Variants in DNAH11 observed in about 807,000 individuals in gnomAD.
DNAH11 encodes dynein axonemal heavy chain 11.
DNAH11 carries 442 observed loss-of-function variants against 526.0 expected under a neutral mutation model. That is an observed-to-expected ratio of 0.84 (90% CI 0.78 to 0.91). The LOEUF is 0.91. DNAH11 is among the 40% of genes least tolerant of loss of function. DNAH11 has a pLI of 0.00. For synonymous variants in DNAH11, 2,461 were observed against 1,935.9 expected (o/e 1.27, Z -7.12); for missense variants, 6,989 against 5,448.7 (o/e 1.28, Z -8.90).
intron 30 of DNAH11, among the ~76,000 whole-genome samples, chr7:21,667,781 G>T (rs1476268015): frequency 2.0e-5 from 3 of 151,958 alleles, no homozygotes; most frequent in Non-Finnish European, 4.4e-5. Flanking sequence ...GTACGTATGT[G>T]ATTTTTTTTG....
chr7:21,743,610 A>G (rs902797593), intron 49 of DNAH11, among the ~76,000 whole-genome samples: 2 of 152,228 alleles, frequency 1.3e-5, no homozygotes, highest in Non-Finnish European at 2.9e-5. Context: ...ATAACACAGC[A>G]TTAGGCAGTA....
At chr7:21,799,175 G>A (rs1788850594) in intron 61 of DNAH11, among the ~76,000 whole-genome samples, 1 of 152,018 alleles carries the variant, frequency 6.6e-6, no homozygotes, top group African/African-American at 2.4e-5. Context: ...GCATAGAGAA[G>A]GTAAATAAAT....
At chr7:21,637,983 C>T (rs766988640) in intron 27 of DNAH11, among the ~76,000 whole-genome samples, 6 of 151,680 alleles carry the variant, frequency 4.0e-5, no homozygotes, top group Non-Finnish European at 8.8e-5. Flanking sequence ...ATTGATTGAT[C>T]AATTATTTCC....
intron 65 of DNAH11, among the ~76,000 whole-genome samples, chr7:21,828,345 C>G (rs1790395597): frequency 6.6e-6 from 1 of 152,174 alleles, no homozygotes; most frequent in African/African-American, 2.4e-5. Flanking sequence ...CATTCATGCT[C>G]TCCTATAATA....
intron 63 of DNAH11, among the ~76,000 whole-genome samples, chr7:21,812,527 C>T (rs1050284517): frequency 2.4e-5 from 3 of 126,044 alleles, no homozygotes; most frequent in African/African-American, 9.1e-5. Flanking sequence ...TTTTTTTAAA[C>T]CCAGCCAGGT....
In DNAH11 at chr7:21,901,333, C is replaced by T. The variant is rs886062189; in HGVS notation, c.*79C>T. 2.0e-5 allele frequency: 29 copies of T among 1,415,366 alleles called. No individual in the cohort carries two copies. The South Asian group carries it at 4.5e-4, about 22-fold the overall frequency. 87.7% of individuals were successfully genotyped at this position (1,415,366 alleles called of 1,614,324 possible). A position where few individuals can be genotyped will look rare whatever the true frequency, so the allele number is the denominator to read the frequency against. Reference sequence around the variant, plus strand: ...CATGTTGCTGCACTGTTCCCATGCACATTATTCTAACTTTTTAGTAACTCA... The same window carrying T: ...CATGTTGCTGCACTGTTCCCATGCATATTATTCTAACTTTTTAGTAACTCA... On this transcript the variant is annotated 3_prime_UTR_variant, in exon 82 of 82. Coordinates refer to ENST00000409508, the MANE Select transcript of DNAH11 (RefSeq NM_001277115.2).
chr7:21,609,188 T>G (rs1276627906), intron 20 of DNAH11, among the ~76,000 whole-genome samples: 5 of 152,144 alleles, frequency 3.3e-5, no homozygotes, highest in East Asian at 1.9e-4. Context: ...TGGGTATTTC[T>G]TCCTTTCCTT....
In DNAH11 at chr7:21,637,625, G is replaced by C; in HGVS notation, c.4740G>C (p.Lys1580Asn). The C allele has an allele frequency of 6.3e-7, 1 of 1,586,240 alleles. No individual in the cohort carries two copies. Among genetic ancestry groups the C allele is most frequent in the Non-Finnish European group, 8.6e-7 (1 of 1,165,166 alleles). The change falls in exon 27 of 82, where the codon AAG becomes AAC. Residue 1580 changes from lysine (K) to asparagine (N), a missense_variant. By Grantham distance (94) the Lys-to-Asn change is moderately conservative. Transcript: ENST00000409508. ...CTTTCATGCAGGAGTTAATGTTCAA[G>C]ACAGCCAAAGTAGAAAATGTGTTAG... The part of the protein sequence containing the change: ...VDAEFKELMF[K>N]TAKVENVLEA...
chr7:21,715,005 T>G (rs886650503), intron 42 of DNAH11, among the ~76,000 whole-genome samples: 1 of 152,202 alleles, frequency 6.6e-6, no homozygotes, highest in African/African-American at 2.4e-5. Context: ...ATGACCTTAT[T>G]GTCTTCTGTC....
At chr7:21,688,629 T>C (rs570670278) in intron 34 of DNAH11, among the ~76,000 whole-genome samples, 2 of 152,322 alleles carry the variant, frequency 1.3e-5, no homozygotes, top group Non-Finnish European at 1.5e-5. Context: ...ATTTAATATA[T>C]CCAAAATAAA....
chr7:21,701,948 G>A (rs778919624), intron 36 of DNAH11, among the ~76,000 whole-genome samples: 29 of 152,112 alleles, frequency 1.9e-4, no homozygotes, highest in Non-Finnish European at 3.8e-4. Flanking sequence ...GGCCAGTCCC[G>A]TGTAAGCAGT....
At chr7:21,752,421 G>A (rs921259565) in intron 54 of DNAH11, among the ~76,000 whole-genome samples, 1 of 152,178 alleles carries the variant, frequency 6.6e-6, no homozygotes, top group Non-Finnish European at 1.5e-5. Context: ...CTAAGGCTGA[G>A]TCATAAAGGG....
rs886038469 is a variant in DNAH11, at chr7:21,683,834, G to T, written c.5511G>T (p.Trp1837Cys). The change falls in exon 32 of 82, where the codon TGG (tryptophan) becomes TGT (cysteine). Residue 1837 changes from tryptophan (W) to cysteine (C), a missense_variant. By Grantham distance (215) the Trp-to-Cys change is radical. Transcript: ENST00000409508. ...FTWLSQLRHR[W>C]EDTQKHCFVN... ...GGCTGTCTCAACTTCGTCACCGATG[G>T]GAGGATACCCAGAAACACTGCTTTG... 1 of 1,612,988 alleles carries T rather than the reference G, an allele frequency of 6.2e-7. No individual in the cohort carries two copies. The highest frequency in any genetic ancestry group is 1.7e-5 in the Admixed American group (1 of 59,916).
intron 54 of DNAH11, among the ~76,000 whole-genome samples, chr7:21,760,679 C>T (rs1379384834): frequency 6.6e-6 from 1 of 152,100 alleles, no homozygotes; most frequent in Non-Finnish European, 1.5e-5. Context: ...TCATGTCTAC[C>T]ATCCATGATG....
intron 62 of DNAH11, among the ~76,000 whole-genome samples, chr7:21,806,177 A>G (rs1319408405): frequency 2.0e-5 from 3 of 152,224 alleles, no homozygotes; most frequent in African/African-American, 4.8e-5. Context: ...CATGGATACT[A>G]TAGCAAAATT....
At chr7:21,835,495 A>C (rs1781959233) in intron 65 of DNAH11, among the ~76,000 whole-genome samples, 1 of 152,344 alleles carries the variant, frequency 6.6e-6, no homozygotes, top group Non-Finnish European at 1.5e-5. Flanking sequence ...TCACATTAAC[A>C]GAATCAAGGG....
chr7:21,812,524 A>T (rs1789574225), intron 63 of DNAH11, among the ~76,000 whole-genome samples: 1 of 111,492 alleles, frequency 9.0e-6, no homozygotes, highest in Non-Finnish European at 1.9e-5. Flanking sequence ...AATTTTTTTT[A>T]AACCCAGCCA....
At chr7:21,544,522 A>G (rs1181989849) in intron 1 of DNAH11, among the ~76,000 whole-genome samples, 1 of 152,250 alleles carries the variant, frequency 6.6e-6, no homozygotes, top group Non-Finnish European at 1.5e-5. Context: ...ATAATGTTCA[A>G]TGGAATGACT....
At chr7:21,547,161 G>T (rs1416536278) in intron 2 of DNAH11, among the ~76,000 whole-genome samples, 1 of 152,068 alleles carries the variant, frequency 6.6e-6, no homozygotes, top group East Asian at 1.9e-4. Flanking sequence ...TACATCCCAG[G>T]TCTATTTGTT....
Sources: allele counts gnomAD v4.1 joint callset (sites outside exome capture counted in the v4.1 genomes callset), GRCh38; gene constraint gnomAD v4.1.1; transcripts MANE v1.5; gene names NCBI Gene and HGNC (gene_info 2026-07-23, HGNC 2026-07-21).